Variants in PKHD1L1 observed in about 807,000 individuals in gnomAD.
The protein encoded by PKHD1L1 is fibrocystin-L.
PKHD1L1 carries 434 observed loss-of-function variants against 462.9 expected under a neutral mutation model. The ratio of observed to expected loss-of-function variants is 0.94; its 90% CI spans 0.87 to 1.02. The LOEUF (loss-of-function observed/expected upper bound fraction) is 1.02, where lower values mean the gene tolerates loss of function less well. Among genes scored for constraint, PKHD1L1 ranks in the 50% least tolerant of loss-of-function variants. PKHD1L1 has a pLI of 0.00. For synonymous variants in PKHD1L1, 1,781 were observed against 1,750.0 expected, an observed-to-expected ratio of 1.02 and a Z score of -0.44; for missense variants, 5,202 against 5,096.1, an observed-to-expected ratio of 1.02 and a Z score of -0.63.
intron 50 of PKHD1L1, 125 bp from the exon 51 acceptor site, chr8:109,474,993 A>G: frequency 1.3e-6 from 1 of 744,896 alleles, no homozygotes; most frequent in Non-Finnish European, 2.1e-6. Context: ...GACTAAACCA[A>G]TATTTGCTAA....
Position 109,486,731 on chromosome 8 carries a change from G to C in PKHD1L1, c.9790G>C (p.Val3264Leu), listed in dbSNP as rs770467805. Residue 3264 changes from valine to leucine, a missense_variant, in exon 59 of 78, where the codon GTT (valine) becomes CTT (leucine). This residue lies in a region of PKHD1L1 where 4,497 missense variants were observed against 4,336.8 expected (regional missense o/e 1.04). Coordinates refer to ENST00000378402, the MANE Select transcript of PKHD1L1 (RefSeq NM_177531.6). ...GATACTGAGTAGGAACATCAAAATA[G>C]TTGGTGAAGATTACCCCGGTTGGTC... Reference protein sequence around the residue: ...VGILSRNIKIVGEDYPGWSED... With the variant: ...VGILSRNIKILGEDYPGWSED... The C allele has an allele frequency of 3.1e-6, 5 of 1,612,548 alleles. No homozygotes were observed. In the South Asian group the frequency reaches 4.4e-5, roughly 14 times the overall value.
intron 77 of PKHD1L1, among the ~76,000 whole-genome samples, chr8:109,529,530 C>A (rs1004437680): frequency 6.6e-6 from 1 of 151,986 alleles, no homozygotes; most frequent in Non-Finnish European, 1.5e-5. Flanking sequence ...AGTGCAAAAA[C>A]CTTTATAGAC....
chr8:109,505,338 C>T (rs756934814), intron 68 of PKHD1L1, among the ~76,000 whole-genome samples: 17 of 152,078 alleles, frequency 1.1e-4, no homozygotes, highest in Admixed American at 5.9e-4. Flanking sequence ...AAATGTCAGC[C>T]ATTATAATCA....
intron 2 of PKHD1L1, among the ~76,000 whole-genome samples, chr8:109,372,999 T>A (rs1216357569): frequency 3.3e-5 from 5 of 149,366 alleles, no homozygotes; most frequent in Non-Finnish European, 7.3e-5. Context: ...AGCTTTGGTA[T>A]CAGGATGATG....
Position 109,427,035 on chromosome 8 carries a change from A to G in PKHD1L1, c.2879A>G (p.Gln960Arg), listed in dbSNP as rs753528898. The change falls in exon 25 of 78, where the codon CAG (glutamine) becomes CGG (arginine). Residue 960 changes from glutamine to arginine, a missense_variant. Gln to Arg is a conservative substitution (Grantham distance 43). Around this residue, in one of 3 missense-constraint regions of PKHD1L1, gnomAD observed 4,497 missense variants for 4,336.8 expected, o/e 1.04. Coordinates refer to ENST00000378402, the MANE Select transcript of PKHD1L1 (RefSeq NM_177531.6). ...LPAAVSAADLQFALQSLEGMG... is the reference protein window; with the variant it reads ...LPAAVSAADLRFALQSLEGMG... ...GCTGCTGTGTCAGCTGCAGATCTGC[A>G]GTTTGCACTCCAGAGTCTGGAGGGA... 6.2e-7 allele frequency: 1 copy of G among 1,608,326 alleles called. No homozygotes were observed. Among genetic ancestry groups the G allele is most frequent in the African/African-American group, 1.3e-5 (1 of 74,808 alleles).
intron 12 of PKHD1L1, among the ~76,000 whole-genome samples, chr8:109,399,482 G>C (rs546433403): frequency 2.0e-5 from 3 of 152,148 alleles, no homozygotes; most frequent in East Asian, 3.9e-4. Flanking sequence ...GTTTATTCTG[G>C]CAAGTATAGG....
At chr8:109,466,438 G>A (rs1817441983) in intron 49 of PKHD1L1, 140 bp from the exon 50 acceptor site, 2 of 793,076 alleles carry the variant, frequency 2.5e-6, no homozygotes, top group Non-Finnish European at 3.7e-6. Flanking sequence ...CTTGCTCCAT[G>A]CAAACAAGCA....
In PKHD1L1 at chr8:109,433,218, T is replaced by G. The variant is rs757886399; in HGVS notation, c.3340+2T>G. On this transcript the variant is annotated splice_donor_variant, in intron 28 of 77. Coordinates refer to ENST00000378402, the MANE Select transcript of PKHD1L1 (RefSeq NM_177531.6). LOFTEE classifies it high-confidence loss of function. Reference sequence around the variant, plus strand: ...GTTGTTCTCTTCTTTCTGTGGATGGTAGGTCCTTTTAAAAACTATTAAGTC... The same window carrying G: ...GTTGTTCTCTTCTTTCTGTGGATGGGAGGTCCTTTTAAAAACTATTAAGTC... The G allele has an allele frequency of 6.3e-7, 1 of 1,596,526 alleles. No homozygotes were observed. Among genetic ancestry groups the G allele is most frequent in the South Asian group, 1.1e-5 (1 of 89,696 alleles).
chr8:109,394,283 C>T (rs926902398), intron 9 of PKHD1L1, 132 bp from the exon 10 acceptor site: 8 of 424,266 alleles, frequency 1.9e-5, no homozygotes, highest in African/African-American at 1.7e-4. Context: ...AAATAAAGAA[C>T]ATTCTTATCT....
At chr8:109,379,486 A>T (rs1208857353) in intron 2 of PKHD1L1, among the ~76,000 whole-genome samples, 2 of 152,242 alleles carry the variant, frequency 1.3e-5, no homozygotes, top group Non-Finnish European at 2.9e-5. Context: ...CTGCCTGTTA[A>T]AGCTATGGCC....
chr8:109,399,029 C>A (rs1249005021), intron 12 of PKHD1L1, among the ~76,000 whole-genome samples: 2 of 151,946 alleles, frequency 1.3e-5, no homozygotes. Context: ...AAATTGCTTT[C>A]CTATCTACAC....
chr8:109,469,093 G>C (rs1040045693), intron 50 of PKHD1L1, among the ~76,000 whole-genome samples: 1 of 152,050 alleles, frequency 6.6e-6, no homozygotes, highest in Non-Finnish European at 1.5e-5. Flanking sequence ...AGTGACTATT[G>C]TGCTAATTAA....
At chr8:109,525,214 G>A (rs1221830819) in intron 76 of PKHD1L1, among the ~76,000 whole-genome samples, 1 of 152,206 alleles carries the variant, frequency 6.6e-6, no homozygotes, top group African/African-American at 2.4e-5. Context: ...AGCAAAGCAG[G>A]GTACTTGGGT....
At chr8:109,492,128 T>TATA in intron 62 of PKHD1L1, 134 bp downstream of exon 62, 1 of 670,716 alleles carries the variant, frequency 1.5e-6, no homozygotes, top group Non-Finnish European at 2.2e-6. Context: ...GCCATTGATT[T>TATA]TTTTTTTTTT....
chr8:109,459,399 A>G (rs914795537), intron 46 of PKHD1L1, among the ~76,000 whole-genome samples, 196 bp from the exon 47 acceptor site: 1 of 151,870 alleles, frequency 6.6e-6, no homozygotes, highest in Non-Finnish European at 1.5e-5. Context: ...ATTTCATTGA[A>G]TTGAATATAT....
rs747242002 is a variant in PKHD1L1, at chr8:109,442,090, C to T, written c.4288C>T (p.Pro1430Ser). The change falls in exon 35 of 78, where the codon CCG becomes TCG. Residue 1430 changes from proline to serine, a missense_variant. By Grantham distance (74) the Pro-to-Ser change is moderately conservative (BLOSUM62 -1). This residue lies in a region of PKHD1L1 where 4,497 missense variants were observed against 4,336.8 expected (regional missense o/e 1.04). Coordinates refer to ENST00000378402, the MANE Select transcript of PKHD1L1 (RefSeq NM_177531.6). ...AGTGGCATGGCATTGGCAAACACAT[C>T]CGTTTCTTAGAGGGATAGGATATAG... ...DTVAWHWQTH[P>S]FLRGIGYRIF... 1.2e-6 allele frequency: 2 copies of T among 1,613,384 alleles called. No homozygotes were observed. Among genetic ancestry groups the T allele is most frequent in the Middle Eastern group, 1.7e-4 (1 of 6,060 alleles).
chr8:109,480,526 CA>C, intron 55 of PKHD1L1: 1 of 433,808 alleles, frequency 2.3e-6, no homozygotes, highest in Admixed American at 2.7e-5. Flanking sequence ...AAAAAAAAAC[CA>C]AAGGGACATA....
At chr8:109,444,116 C>T (rs1563549334) in intron 37 of PKHD1L1, among the ~76,000 whole-genome samples, 1 of 74,914 alleles carries the variant, frequency 1.3e-5, no homozygotes, top group East Asian at 2.5e-4. Context: ...TTCATTACCT[C>T]CCCCCCCCAA....
At chr8:109,502,629 T>C (rs1399506558) in intron 67 of PKHD1L1, among the ~76,000 whole-genome samples, 1 of 152,214 alleles carries the variant, frequency 6.6e-6, no homozygotes, top group African/African-American at 2.4e-5. Flanking sequence ...ATCCTGAGAT[T>C]TGCTTTGAAT....
Sources: allele counts gnomAD v4.1 joint callset (sites outside exome capture counted in the v4.1 genomes callset), GRCh38; gene constraint gnomAD v4.1.1; regional missense constraint gnomAD v4.1.1; transcripts MANE v1.5; gene names NCBI Gene and HGNC (gene_info 2026-07-23, HGNC 2026-07-21).